The following CYP4F3 variants were observed in gnomAD, a reference collection of about 807,000 sequenced individuals.
CYP4F3 encodes cytochrome P450 4F3.
In CYP4F3, 50 loss-of-function variants were observed where a neutral mutation model predicts 54.8. That is an observed-to-expected ratio of 0.91 (90% confidence interval 0.73 to 1.16). The LOEUF is 1.16. Ranked by LOEUF, CYP4F3 falls within the 50% of genes most tolerant of loss-of-function variation. The pLI is 0.00. For synonymous variants in CYP4F3, 244 were observed against 262.6 expected, an observed-to-expected ratio of 0.93 and a Z score of 0.69; for missense variants, 715 against 676.2, an observed-to-expected ratio of 1.06 and a Z score of -0.64.
chr19:15,652,720 TC>T lies in CYP4F3; in HGVS notation c.985+90del, dbSNP rs977638859. ...GTGGGTGGACCCCTCGCACTTCCCA[TC>T]CCCCTTCCCCCATCCTCCCTGAGGT... On this transcript the variant is annotated intron_variant, in intron 8 of 12. Coordinates refer to ENST00000221307, the MANE Select transcript of CYP4F3 (RefSeq NM_000896.3). 3.7e-6 allele frequency: 6 copies of T among 1,607,366 alleles called. No homozygotes were observed. The Admixed American group carries it at 5.0e-5, about 13-fold the overall frequency.
chr19:15,652,293 C>T (rs1340743386), intron 7 of CYP4F3, among the ~76,000 whole-genome samples: 1 of 151,702 alleles, frequency 6.6e-6, no homozygotes, highest in African/African-American at 2.4e-5. Flanking sequence ...ATTTTTTTCT[C>T]AGAAAGTTTT....
In CYP4F3 at chr19:15,647,301, A is replaced by G. The variant is rs1353977694; in HGVS notation, c.502A>G (p.Asn168Asp). 1.9e-6 allele frequency: 3 copies of G among 1,614,212 alleles called. No homozygotes were observed. The highest frequency in any genetic ancestry group is 2.7e-5 in the African/African-American group (2 of 75,064). ...NILKPYMKIF[N>D]ESVNIMHAKW... ...CCTGAAGCCCTATATGAAGATTTTCAATGAGAGTGTGAACATCATGCATGT... is the reference window on the plus strand; with the variant it reads ...CCTGAAGCCCTATATGAAGATTTTCGATGAGAGTGTGAACATCATGCATGT... Residue 168 changes from asparagine to aspartate, a missense_variant, in exon 5 of 13, where the codon AAT becomes GAT. Physicochemically the swap from Asn to Asp is conservative, Grantham distance 23 (BLOSUM62 1). Transcript: ENST00000221307.
At chr19:15,657,540 C>T (rs565431955) in intron 9 of CYP4F3, among the ~76,000 whole-genome samples, 126 of 152,270 alleles carry the variant, frequency 8.3e-4, no homozygotes, top group African/African-American at 2.7e-3. Context: ...CTGCCTGCCT[C>T]GGTCTCCCAA....
Position 15,647,563 on chromosome 19 carries a change from C to T in CYP4F3, c.525+239C>T, listed in dbSNP as rs570267645. ...TGTCTGTTTCTATGTTCGCGTCACCCGAACCCTGTAAACTCAAGAGGGTAA... is the reference window on the plus strand; with the variant it reads ...TGTCTGTTTCTATGTTCGCGTCACCTGAACCCTGTAAACTCAAGAGGGTAA... On this transcript the variant is annotated intron_variant, in intron 5 of 12. Coordinates refer to ENST00000221307, the MANE Select transcript of CYP4F3 (RefSeq NM_000896.3). Among the ~76,000 whole-genome samples the T allele has an allele frequency of 1.8e-3, 280 of 152,258 alleles. 1 individual carries two copies. The highest frequency in any genetic ancestry group is 6.3e-3 in the African/African-American group (261 of 41,530).
intron 3 of CYP4F3, among the ~76,000 whole-genome samples, chr19:15,646,781 C>T (rs534385294): frequency 6.6e-6 from 1 of 152,232 alleles, no homozygotes; most frequent in South Asian, 2.1e-4. Flanking sequence ...CATGTTGGAT[C>T]ATGTAGGAGG....
At position 15,643,880 on chromosome 19, in the gene CYP4F3, A is replaced by C. The variant is rs532728453; in HGVS notation, c.199-1839A>C. On this transcript the variant is annotated intron_variant, in intron 2 of 12. Transcript: ENST00000221307. Reference sequence around the variant, plus strand: ...GACACCTAGAATTAACCATGACAGGAGGTGACGGCCCCTGCCTTGCTTGCA... The same window carrying C: ...GACACCTAGAATTAACCATGACAGGCGGTGACGGCCCCTGCCTTGCTTGCA... 2.6e-4 allele frequency: 394 copies of C among 1,524,118 alleles called. 1 individual carries two copies. The African/African-American group carries it at 5.0e-3, about 19-fold the overall frequency. The allele number at this position is 1,524,118 out of a possible 1,614,324, so 94.4% of individuals were successfully genotyped here.
At chr19:15,658,419 G>C (rs748362409) in intron 10 of CYP4F3, 22 bp downstream of exon 10, 1 of 1,613,546 alleles carries the variant, frequency 6.2e-7, no homozygotes, top group African/African-American at 1.3e-5. Context: ...TCAGGGGGAG[G>C]AGCCTCCTGG....
intron 7 of CYP4F3, 26 bp from the exon 8 acceptor site, chr19:15,652,543 G>A (rs1467681129): frequency 1.2e-6 from 2 of 1,610,404 alleles, no homozygotes; most frequent in East Asian, 2.2e-5. Context: ...GGGGGTGGGG[G>A]TGGGGGGTTA....
At chr19:15,658,027 A>G in intron 9 of CYP4F3, 1 of 835,564 alleles carries the variant, frequency 1.2e-6, no homozygotes, top group Non-Finnish European at 1.4e-6. Context: ...CCTTTACCAA[A>G]TGTGAAGTTT....
At chr19:15,650,474 A>G (rs1425333730) in intron 7 of CYP4F3, among the ~76,000 whole-genome samples, 1 of 152,080 alleles carries the variant, frequency 6.6e-6, no homozygotes, top group African/African-American at 2.4e-5. Flanking sequence ...GTCTGGGTCT[A>G]TGTTTATGTT....
intron 9 of CYP4F3, among the ~76,000 whole-genome samples, chr19:15,654,084 G>A (rs1323768652): frequency 1.0e-5 from 1 of 96,140 alleles, no homozygotes; most frequent in Non-Finnish European, 2.6e-5. Flanking sequence ...AGCCAGGCCA[G>A]GGGCTGGAGG....
chr19:15,654,836 T>G (rs1480438629), intron 9 of CYP4F3, among the ~76,000 whole-genome samples: 1 of 152,238 alleles, frequency 6.6e-6, no homozygotes, highest in Non-Finnish European at 1.5e-5. Flanking sequence ...AGATGTCTCT[T>G]CCATATATTT....
At position 15,649,161 on chromosome 19, in the gene CYP4F3, C is replaced by T. The variant is rs776901065; in HGVS notation, c.527C>T (p.Ala176Val). The T allele has an allele frequency of 1.9e-6, 3 of 1,613,268 alleles. No individual in the cohort carries two copies. The Admixed American group carries it at 5.0e-5, about 27-fold the overall frequency. Residue 176 changes from alanine (A) to valine (V), a missense_variant and splice_region_variant, in exon 6 of 13, where the codon GCC becomes GTC. Transcript: ENST00000221307. ...IFNESVNIMH[A>V]KWQLLASEGS... ...AGCTCTGTCCCCTTCTCTGGCTAGG[C>T]CAAGTGGCAGCTCCTGGCCTCAGAG...
intron 2 of CYP4F3, among the ~76,000 whole-genome samples, chr19:15,644,690 C>T (rs763178276): frequency 6.6e-6 from 1 of 152,174 alleles, no homozygotes. Flanking sequence ...AGTTTGTCTG[C>T]CCTAAGTTCA....
At chr19:15,656,879 C>CT (rs962691619) in intron 9 of CYP4F3, among the ~76,000 whole-genome samples, 16 of 152,216 alleles carry the variant, frequency 1.1e-4, no homozygotes, top group African/African-American at 3.1e-4. Context: ...ATATTTGTCA[C>CT]TTTTTTTCAC....
intron 10 of CYP4F3, 40 bp from the exon 11 acceptor site, chr19:15,658,451 G>T (rs1973090472): frequency 1.2e-6 from 2 of 1,613,788 alleles, no homozygotes; most frequent in Admixed American, 1.7e-5. Flanking sequence ...GGCCCCTCAG[G>T]CAGGGAGCAT....
chr19:15,658,878 A>T (rs1973110538), intron 12 of CYP4F3, 69 bp downstream of exon 12: 1 of 1,559,940 alleles, frequency 6.4e-7, no homozygotes, highest in South Asian at 1.1e-5. Flanking sequence ...GACAGTGGGG[A>T]AAAGGGGGAC....
chr19:15,645,948 G>A lies in CYP4F3; in HGVS notation c.343+85G>A, dbSNP rs992882443. On this transcript the variant is annotated intron_variant, in intron 3 of 12. Coordinates refer to ENST00000221307, the MANE Select transcript of CYP4F3 (RefSeq NM_000896.3). ...TGGGGTCTCTGTGCTGCCTCCAGCGGGTCGCGTGCCCATGTGCAGACAGGA... is the reference window on the plus strand; with the variant it reads ...TGGGGTCTCTGTGCTGCCTCCAGCGAGTCGCGTGCCCATGTGCAGACAGGA... 1.2e-5 allele frequency: 18 copies of A among 1,459,162 alleles called. No homozygotes were observed. The African/African-American group carries it at 2.3e-4, about 18-fold the overall frequency. The allele number at this position is 1,459,162 out of a possible 1,614,324, so 90.4% of individuals were successfully genotyped here.
At chr19:15,642,199 C>T (rs1972484502) in intron 2 of CYP4F3, among the ~76,000 whole-genome samples, 1 of 152,202 alleles carries the variant, frequency 6.6e-6, no homozygotes, top group South Asian at 2.1e-4. Flanking sequence ...ACCTTGCCCT[C>T]TGACTTAGAC....
Sources: allele counts gnomAD v4.1 joint callset (sites outside exome capture counted in the v4.1 genomes callset), GRCh38; gene constraint gnomAD v4.1.1; transcripts MANE v1.5; gene names NCBI Gene and HGNC (gene_info 2026-07-23, HGNC 2026-07-21).